The following CCM2L variants were observed in gnomAD, a reference collection of about 807,000 sequenced individuals.
CCM2L encodes cerebral cavernous malformations 2 protein-like.
A neutral mutation model predicts 54.1 loss-of-function variants in CCM2L; 36 were observed. That is an observed-to-expected ratio of 0.67 (90% CI 0.51 to 0.88). The LOEUF (loss-of-function observed/expected upper bound fraction) is 0.88. CCM2L is among the 40% of genes least tolerant of loss of function. The pLI, the probability that CCM2L is intolerant of heterozygous loss-of-function variation, is 0.00. For synonymous variants in CCM2L, 351 were observed against 359.3 expected (o/e 0.98, Z 0.26); for missense variants, 700 against 812.1 (o/e 0.86, Z 1.68).
At chr20:32,010,550 T>TGGGGGGTTGGGGGAAAATGG in intron 1 of CCM2L, 66 bp downstream of exon 1, 1 of 64,762 alleles carries the variant, frequency 1.5e-5, no homozygotes, top group Non-Finnish European at 2.8e-5. Flanking sequence ...GGGGGCAAAC[T>TGGGGGGTTGGGGGAAAATGG]GGGGCGGGGT....
chr20:32,017,384 T>G (rs1244599070), intron 2 of CCM2L, among the ~76,000 whole-genome samples: 1 of 152,182 alleles, frequency 6.6e-6, no homozygotes, highest in Non-Finnish European at 1.5e-5. Flanking sequence ...CAGAGGAAAT[T>G]TACAGGTGGT....
rs1430035207 is a variant in CCM2L at position 32,014,257 on chromosome 20, A to ATT, written c.31-646_31-645insTT. ...TATATATGTGTGTACATATATATAT[A>ATT]TATATTTTTTTTTTTTTTTTGAGAC... On this transcript the variant is annotated intron_variant, in intron 1 of 9. Coordinates refer to ENST00000452892, the MANE Select transcript of CCM2L (RefSeq NM_001365692.1). 2.0e-3 allele frequency among the ~76,000 whole-genome samples: 276 copies of ATT among 137,018 alleles called. 1 individual carries two copies. The highest frequency in any genetic ancestry group is 0.011 in the Middle Eastern group (3 of 264). The allele number at this position is 137,018 out of a possible 152,430, so 89.9% of individuals were successfully genotyped here.
In CCM2L at chr20:32,018,992, C is replaced by T. The variant is rs1163004019; in HGVS notation, c.516C>T (p.Gly172=). 19 of 1,383,072 alleles carry T rather than the reference C, an allele frequency of 1.4e-5. No homozygotes were observed. The highest frequency in any genetic ancestry group is 1.7e-5 in the Non-Finnish European group (18 of 1,072,918). 85.7% of individuals were successfully genotyped at this position (1,383,072 alleles called of 1,614,324 possible). Residue 172 remains glycine (G), a synonymous_variant, in exon 5 of 10, where the codon GGC becomes GGT. Coordinates refer to ENST00000452892, the MANE Select transcript of CCM2L (RefSeq NM_001365692.1). ...CCGGCGTGGATGCCAGCCCAGGCGG[C>T]GCAGGACGCGACCCCGGCCCGCCAG... is the stretch of plus-strand genomic sequence containing the variant. ...VPAGVDASPG[G]AGRDPGPPGG... is the part of the protein sequence containing the mutation.
rs1461476532 is a variant in CCM2L at position 32,022,696 on chromosome 20, G to T, written c.970G>T (p.Val324Phe). Reference sequence around the variant, plus strand: ...GGAGTCCTGCGCACTCATCTGTCAGGTCTTCCAGATCATCTACGGGGACCA... The same window carrying T: ...GGAGTCCTGCGCACTCATCTGTCAGTTCTTCCAGATCATCTACGGGGACCA... ...AEESCALICQ[V>F]FQIIYGDQSI... The change falls in exon 6 of 10, where the codon GTC becomes TTC. Residue 324 changes from valine to phenylalanine, a missense_variant. Transcript: ENST00000452892. The T allele has an allele frequency of 9.3e-6, 15 of 1,614,046 alleles. No individual in the cohort carries two copies. Among genetic ancestry groups the T allele is most frequent in the Non-Finnish European group, 1.3e-5 (15 of 1,180,042 alleles).
chr20:32,015,653 T>A (rs1324920402), intron 2 of CCM2L, among the ~76,000 whole-genome samples: 1 of 152,296 alleles, frequency 6.6e-6, no homozygotes, highest in Admixed American at 6.5e-5. Flanking sequence ...GTTTTTACAG[T>A]CTTTTTGATA....
chr20:32,018,197 G>GGGGGCGGGGGA (rs2064758713), intron 4 of CCM2L, 35 bp downstream of exon 4: 2 of 289,168 alleles, frequency 6.9e-6, no homozygotes, highest in Non-Finnish European at 1.2e-5. Context: ...GGGGAGGGGC[G>GGGGGCGGGGGA]GGGGCGGGGG....
chr20:32,020,174 A>G (rs1200034802), intron 5 of CCM2L, among the ~76,000 whole-genome samples: 1 of 152,222 alleles, frequency 6.6e-6, no homozygotes, highest in African/African-American at 2.4e-5. Context: ...AGTTCTGAGC[A>G]TTCTAAGCTT....
intron 1 of CCM2L, 76 bp downstream of exon 1, chr20:32,010,560 T>TGGGGGGGGGGGGG: frequency 5.7e-5 from 6 of 105,748 alleles, no homozygotes; most frequent in East Asian, 1.7e-4. Context: ...TGGGGCGGGG[T>TGGGGGGGGGGGGG]GGGGGGTCGG....
intron 1 of CCM2L, among the ~76,000 whole-genome samples, chr20:32,012,933 CCA>C (rs1476858375): frequency 1.3e-5 from 2 of 152,176 alleles, no homozygotes; most frequent in African/African-American, 2.4e-5. Context: ...AGTAATCACA[CCA>C]CACATTCACT....
In CCM2L at chr20:32,017,890, C is replaced by G; in HGVS notation, c.282+7C>G. ...GCTGCTAGACACCGCCAGGGTGAGA[C>G]TCTGGGGAGGGAGGAGGGCAGGATC... On this transcript the variant is annotated splice_region_variant and intron_variant, in intron 3 of 9. Coordinates refer to ENST00000452892, the MANE Select transcript of CCM2L (RefSeq NM_001365692.1). 1 of 1,613,900 alleles carries G rather than the reference C, an allele frequency of 6.2e-7. No homozygotes were observed. The highest frequency in any genetic ancestry group is 8.5e-7 in the Non-Finnish European group (1 of 1,179,934).
At chr20:32,023,498 A>G (rs890864109) in intron 6 of CCM2L, among the ~76,000 whole-genome samples, 1 of 152,260 alleles carries the variant, frequency 6.6e-6, no homozygotes, top group African/African-American at 2.4e-5. Context: ...CTCAAGGACT[A>G]GAAGGAGAAT....
rs1568910274 is a variant in CCM2L at position 32,015,015 on chromosome 20, G to A, written c.142G>A (p.Asp48Asn). The A allele has an allele frequency of 6.4e-6, 10 of 1,569,418 alleles. No individual in the cohort carries two copies. Among genetic ancestry groups the A allele is most frequent in the East Asian group, 2.4e-5 (1 of 41,022 alleles). The stretch of plus-strand genomic sequence containing the variant: ...GCACTCGATGCCCCTTTATCCCCCC[G>A]ACTACCTCATCGACCCCCAGATTCT... ...PLHSMPLYPP[D>N]YLIDPQILLC... Residue 48 changes from aspartate to asparagine, a missense_variant, in exon 2 of 10, where the codon GAC becomes AAC. Physicochemically the swap from Asp to Asn is conservative, Grantham distance 23. Coordinates refer to ENST00000452892, the MANE Select transcript of CCM2L (RefSeq NM_001365692.1).
At chr20:32,020,920 C>T (rs965482144) in intron 5 of CCM2L, among the ~76,000 whole-genome samples, 34 of 152,024 alleles carry the variant, frequency 2.2e-4, no homozygotes, top group Admixed American at 9.8e-4. Context: ...GGAGGTAGAC[C>T]GCACCACTGC....
chr20:32,027,382 A>G (rs1036279902), intron 7 of CCM2L, among the ~76,000 whole-genome samples: 59 of 152,388 alleles, frequency 3.9e-4, no homozygotes, highest in African/African-American at 1.3e-3. Flanking sequence ...GCGTTTGAAC[A>G]TTGAACTTGC....
intron 9 of CCM2L, among the ~76,000 whole-genome samples, chr20:32,030,268 C>A (rs534428716): frequency 1.6e-4 from 24 of 152,220 alleles, no homozygotes; most frequent in African/African-American, 4.8e-4. Flanking sequence ...CATTAAATGC[C>A]CCCAGTTCTG....
In CCM2L at chr20:32,029,851, T is replaced by C; in HGVS notation, c.1402+13T>C. The C allele has an allele frequency of 6.3e-7, 1 of 1,589,078 alleles. No homozygotes were observed. The highest frequency in any genetic ancestry group is 8.6e-7 in the Non-Finnish European group (1 of 1,165,380). Reference sequence around the variant, plus strand: ...TTCCTCCTCCTTGGTGAGCCCCCGCTGTACCCCCAGAGGTCAGCTAGGGCC... The same window carrying C: ...TTCCTCCTCCTTGGTGAGCCCCCGCCGTACCCCCAGAGGTCAGCTAGGGCC... On this transcript the variant is annotated intron_variant, in intron 9 of 9. Coordinates refer to ENST00000452892, the MANE Select transcript of CCM2L (RefSeq NM_001365692.1).
intron 1 of CCM2L, among the ~76,000 whole-genome samples, chr20:32,011,475 C>T (rs1274820034): frequency 3.3e-5 from 5 of 152,056 alleles, no homozygotes. Context: ...CATGGTGGCA[C>T]ATGCCTGTAA....
chr20:32,014,020 C>T (rs766373570), intron 1 of CCM2L, among the ~76,000 whole-genome samples: 1 of 152,096 alleles, frequency 6.6e-6, no homozygotes, highest in Non-Finnish European at 1.5e-5. Flanking sequence ...ATTCAGATGG[C>T]TGGTCTGGGC....
chr20:32,011,980 C>T (rs2064699300), intron 1 of CCM2L, among the ~76,000 whole-genome samples: 1 of 151,846 alleles, frequency 6.6e-6, no homozygotes, highest in Non-Finnish European at 1.5e-5. Context: ...GTCTCATAAT[C>T]TAGCCACGGC....
Sources: allele counts gnomAD v4.1 joint callset (sites outside exome capture counted in the v4.1 genomes callset), GRCh38; gene constraint gnomAD v4.1.1; transcripts MANE v1.5; gene names NCBI Gene and HGNC (gene_info 2026-07-23, HGNC 2026-07-21).